SPIN1: variants seen among roughly 807,000 people sequenced by gnomAD.
The protein encoded by SPIN1 is spindlin 1, also known as spindlin-1.
Under a neutral mutation model 26.0 loss-of-function variants are expected in SPIN1, and 3 were observed. That is an observed-to-expected ratio of 0.12 (90% confidence interval 0.05 to 0.30). The LOEUF is 0.30. Ranked by LOEUF, SPIN1 falls within the 10% of genes least tolerant of loss-of-function variation. SPIN1 has a pLI of 1.00. For synonymous variants in SPIN1, 101 were observed against 116.5 expected (o/e 0.87, Z 0.86); for missense variants, 126 against 333.4 (o/e 0.38, Z 4.84).
chr9:88,439,377 A>G (rs1828071862), intron 2 of SPIN1, among the ~76,000 whole-genome samples: 1 of 152,212 alleles, frequency 6.6e-6, no homozygotes, highest in African/African-American at 2.4e-5. Flanking sequence ...GCTTTCTGAT[A>G]CTTCAATGAG....
intron 2 of SPIN1, among the ~76,000 whole-genome samples, chr9:88,445,665 G>C (rs1378139860): frequency 6.6e-6 from 1 of 151,108 alleles, no homozygotes; most frequent in African/African-American, 2.4e-5. Context: ...GCCTTAGCCA[G>C]AATTACAGAC....
chr9:88,474,060 A>G (rs1828844384), intron 5 of SPIN1, among the ~76,000 whole-genome samples: 1 of 152,158 alleles, frequency 6.6e-6, no homozygotes, highest in South Asian at 2.1e-4. Context: ...GAGGCAGACT[A>G]CTATTAATAC....
chr9:88,411,154 A>G (rs1163747626), intron 1 of SPIN1: 4 of 1,478,218 alleles, frequency 2.7e-6, no homozygotes, highest in Non-Finnish European at 3.7e-6. Flanking sequence ...TCTTTTTCAC[A>G]GTTAAGTGGG....
At chr9:88,413,226 C>A (rs1827491377) in intron 1 of SPIN1, among the ~76,000 whole-genome samples, 2 of 149,970 alleles carry the variant, frequency 1.3e-5, no homozygotes, top group Admixed American at 6.6e-5. Context: ...GCCACCACAT[C>A]TGGCTAATTT....
intron 5 of SPIN1, 30 bp from the exon 6 acceptor site, chr9:88,475,048 T>C: frequency 5.6e-6 from 1 of 177,896 alleles, no homozygotes; most frequent in Non-Finnish European, 7.3e-6. Context: ...TCTCTCTCTC[T>C]TTTTTTTTTT....
Position 88,477,991 on chromosome 9 carries a change from TTTTC to T in SPIN1, c.*2718_*2721del, listed in dbSNP as rs1426833162. ...TGTTAAAGATATTTAGGTTTTTTTG[TTTTC>T]TTTATTTTTATTTGTTTTCAGTTTC... On this transcript the variant is annotated 3_prime_UTR_variant, in exon 6 of 6. Coordinates refer to ENST00000375859, the MANE Select transcript of SPIN1 (RefSeq NM_006717.3). 5.9e-5 allele frequency: 9 copies of T among 152,174 alleles called. No individual in the cohort carries two copies. The highest frequency in any genetic ancestry group is 1.7e-4 in the African/African-American group (7 of 41,430). The allele number at this position is 152,174 out of a possible 1,614,324, so 9.4% of individuals were successfully genotyped here.
chr9:88,402,128 G>T (rs1302718307), intron 1 of SPIN1, among the ~76,000 whole-genome samples: 2 of 152,086 alleles, frequency 1.3e-5, no homozygotes, highest in Non-Finnish European at 2.9e-5. Context: ...AGTAAGCTGG[G>T]ATTACAGGTG....
chr9:88,468,345 CTTTTTT>C lies in SPIN1; in HGVS notation c.356-15_356-10del. On this transcript the variant is annotated intron_variant, in intron 4 of 5. Coordinates refer to ENST00000375859, the MANE Select transcript of SPIN1 (RefSeq NM_006717.3). ...GGTAATCAGCGAAACACTTTGTCAACTTTTTTTTTTTTTTTTTAATCCCCAGCGACA... is the reference window on the plus strand; with the variant it reads ...GGTAATCAGCGAAACACTTTGTCAACTTTTTTTTTTTAATCCCCAGCGACA... 1.8e-5 allele frequency: 24 copies of C among 1,318,508 alleles called. No homozygotes were observed. In the South Asian group the frequency reaches 1.9e-4, roughly 11 times the overall value. The allele number at this position is 1,318,508 out of a possible 1,614,324, so 81.7% of individuals were successfully genotyped here.
intron 4 of SPIN1, among the ~76,000 whole-genome samples, chr9:88,465,092 A>T (rs1411823362): frequency 6.6e-6 from 1 of 152,170 alleles, no homozygotes; most frequent in Admixed American, 6.5e-5. Flanking sequence ...ATTTCCTTTA[A>T]GGCTGAAAAG....
chr9:88,436,450 G>T (rs921938726), intron 2 of SPIN1, among the ~76,000 whole-genome samples: 17 of 152,044 alleles, frequency 1.1e-4, no homozygotes, highest in African/African-American at 4.1e-4. Context: ...TCCTGTCCCA[G>T]CATCTCACAG....
At chr9:88,467,447 G>A (rs192902749) in intron 4 of SPIN1, among the ~76,000 whole-genome samples, 1 of 152,292 alleles carries the variant, frequency 6.6e-6, no homozygotes, top group African/African-American at 2.4e-5. Context: ...AATGTGACTG[G>A]GATTTGTGGG....
intron 5 of SPIN1, among the ~76,000 whole-genome samples, chr9:88,469,149 A>G (rs929369606): frequency 1.3e-5 from 2 of 152,064 alleles, no homozygotes; most frequent in Non-Finnish European, 2.9e-5. Flanking sequence ...TTTTGGAGGC[A>G]TTAGATTCCC....
chr9:88,413,069 T>G (rs1331751743), intron 1 of SPIN1, among the ~76,000 whole-genome samples: 1 of 146,406 alleles, frequency 6.8e-6, no homozygotes, highest in Non-Finnish European at 1.5e-5. Context: ...AATTAAGTTT[T>G]TTTTTTTTTT....
Position 88,478,498 on chromosome 9 carries a change from G to T in SPIN1, c.*3221G>T, listed in dbSNP as rs529785871. The T allele has an allele frequency of 6.6e-6, 1 of 152,566 alleles. No homozygotes were observed. The highest frequency in any genetic ancestry group is 1.5e-5 in the Non-Finnish European group (1 of 67,978). 9.5% of individuals were successfully genotyped at this position (152,566 alleles called of 1,614,324 possible). A position where few individuals can be genotyped will look rare whatever the true frequency, so the allele number is the denominator to read the frequency against. ...TCTTCGTGTTCACATTTTAAAATTA[G>T]GTAAATGACCTCATCTTTCAAGCTT... is the stretch of plus-strand genomic sequence containing the variant. On this transcript the variant is annotated 3_prime_UTR_variant, in exon 6 of 6. Transcript: ENST00000375859.
At chr9:88,393,398 A>C (rs1826975459) in intron 1 of SPIN1, among the ~76,000 whole-genome samples, 1 of 149,840 alleles carries the variant, frequency 6.7e-6, no homozygotes, top group Non-Finnish European at 1.5e-5. Flanking sequence ...GCTTAACCTG[A>C]CACAGGCAAT....
At chr9:88,405,039 A>G (rs564534468) in intron 1 of SPIN1, among the ~76,000 whole-genome samples, 104 of 151,930 alleles carry the variant, frequency 6.8e-4, no homozygotes, top group African/African-American at 2.3e-3. Flanking sequence ...TGGAGTTGTC[A>G]TCTATGATAA....
At chr9:88,472,000 T>C (rs1205562365) in intron 5 of SPIN1, among the ~76,000 whole-genome samples, 1 of 152,158 alleles carries the variant, frequency 6.6e-6, no homozygotes, top group Non-Finnish European at 1.5e-5. Context: ...GGTTTTGCCA[T>C]ATTGGCCAGG....
At chr9:88,435,496 A>G (rs1464982003) in intron 2 of SPIN1, among the ~76,000 whole-genome samples, 2 of 152,134 alleles carry the variant, frequency 1.3e-5, no homozygotes, top group Non-Finnish European at 2.9e-5. Context: ...AAATATGTAA[A>G]GAGTTTCTCT....
chr9:88,430,413 A>T (rs1374514838), intron 2 of SPIN1, among the ~76,000 whole-genome samples: 1 of 152,170 alleles, frequency 6.6e-6, no homozygotes, highest in East Asian at 1.9e-4. Context: ...GTTCACTTCT[A>T]CTGCATTCTA....
Sources: allele counts gnomAD v4.1 joint callset (sites outside exome capture counted in the v4.1 genomes callset), GRCh38; gene constraint gnomAD v4.1.1; transcripts MANE v1.5; gene names NCBI Gene and HGNC (gene_info 2026-07-23, HGNC 2026-07-21).